MOB3B: variants seen among roughly 807,000 people sequenced by gnomAD.
The protein encoded by MOB3B is MOB kinase activator-like 2B.
Under a neutral mutation model 18.7 loss-of-function variants are expected in MOB3B, and 7 were observed. The ratio of observed to expected loss-of-function variants is 0.37; its 90% confidence interval spans 0.21 to 0.70. MOB3B has a LOEUF of 0.70. Among genes scored for constraint, MOB3B ranks in the 30% least tolerant of loss-of-function variants. The pLI is 0.52. For synonymous variants in MOB3B, 111 were observed against 99.9 expected (o/e 1.11, Z -0.66); for missense variants, 253 against 281.3 (o/e 0.90, Z 0.72).
chr9:27,393,984 G>A (rs1821765308), intron 2 of MOB3B: 1 of 152,124 alleles, frequency 6.6e-6, no homozygotes, highest in African/African-American at 2.4e-5. Context: ...CCTCTTAAAA[G>A]GTAGATGACC....
At chr9:27,393,516 G>A (rs1054017090) in intron 2 of MOB3B, among the ~76,000 whole-genome samples, 1 of 152,094 alleles carries the variant, frequency 6.6e-6, no homozygotes, top group Non-Finnish European at 1.5e-5. Flanking sequence ...ATTGCTAATT[G>A]TGTTCCCAAG....
intron 1 of MOB3B, among the ~76,000 whole-genome samples, chr9:27,495,998 T>TA (rs1157367804): frequency 1.3e-5 from 2 of 152,228 alleles, no homozygotes; most frequent in Admixed American, 6.5e-5. Flanking sequence ...GCTGGCAGCA[T>TA]ACTGTTATAA....
rs142942352 is a variant in MOB3B at position 27,453,354 on chromosome 9, A to G, written c.418+1779T>C. 8.9e-4 allele frequency among the ~76,000 whole-genome samples: 135 copies of G among 152,274 alleles called. 1 individual carries two copies. The highest frequency in any genetic ancestry group is 3.1e-3 in the African/African-American group (128 of 41,560). On this transcript the variant is annotated intron_variant, in intron 2 of 3. Coordinates refer to ENST00000262244, the MANE Select transcript of MOB3B (RefSeq NM_024761.5). ...CGATCTCTCAAAATACAAGTATGCA[A>G]TGGAGGCTAGATGGGGTAGAGCTGA...
chr9:27,495,500 T>C (rs1819885346), intron 1 of MOB3B, among the ~76,000 whole-genome samples: 1 of 152,152 alleles, frequency 6.6e-6, no homozygotes, highest in Non-Finnish European at 1.5e-5. Flanking sequence ...AGTTTTCCCA[T>C]GCCTGTTCCA....
At chr9:27,405,091 G>GTTTTTTTTTTTTTTT (rs1821946373) in intron 2 of MOB3B, among the ~76,000 whole-genome samples, 1 of 60,944 alleles carries the variant, frequency 1.6e-5, no homozygotes, top group Non-Finnish European at 3.3e-5. Context: ...CAGAACCTTT[G>GTTTTTTTTTTTTTTT]TCTTTTTTTT....
intron 2 of MOB3B, among the ~76,000 whole-genome samples, chr9:27,388,468 T>C (rs1821677946): frequency 6.6e-6 from 1 of 152,152 alleles, no homozygotes; most frequent in Non-Finnish European, 1.5e-5. Context: ...TTTTTTTTTC[T>C]CTTTTATTTC....
chr9:27,430,964 T>G (rs566532577), intron 2 of MOB3B, among the ~76,000 whole-genome samples: 1 of 152,092 alleles, frequency 6.6e-6, no homozygotes, highest in Non-Finnish European at 1.5e-5. Flanking sequence ...AGATCAGATT[T>G]CACCTGAGAC....
In MOB3B at chr9:27,500,967, A is replaced by T. The variant is rs997962788; in HGVS notation, c.-199+28588T>A. ...ATGAACAGACACTTCTCAAAAGAAG[A>T]CATTTATGCGACCAACAAACATATG... On this transcript the variant is annotated intron_variant, in intron 1 of 3. Coordinates refer to ENST00000262244, the MANE Select transcript of MOB3B (RefSeq NM_024761.5). Among the ~76,000 whole-genome samples the T allele has an allele frequency of 4.0e-4, 61 of 152,382 alleles. 1 individual carries two copies. Among genetic ancestry groups the T allele is most frequent in the African/African-American group, 1.5e-3 (61 of 41,600 alleles).
At chr9:27,426,367 A>G (rs1822330463) in intron 2 of MOB3B, among the ~76,000 whole-genome samples, 1 of 152,244 alleles carries the variant, frequency 6.6e-6, no homozygotes, top group Admixed American at 6.5e-5. Flanking sequence ...TGAGCAGAAC[A>G]GGAAGGTATA....
At chr9:27,475,257 G>A (rs905073603) in intron 1 of MOB3B, among the ~76,000 whole-genome samples, 11 of 152,224 alleles carry the variant, frequency 7.2e-5, no homozygotes, top group South Asian at 2.1e-4. Flanking sequence ...GCTCCGAGGC[G>A]GCTCCTTCCC....
At chr9:27,390,655 T>C (rs1041825985) in intron 2 of MOB3B, among the ~76,000 whole-genome samples, 1 of 152,144 alleles carries the variant, frequency 6.6e-6, no homozygotes, top group Non-Finnish European at 1.5e-5. Context: ...TGAGAATATA[T>C]GTATTGGAGT....
Position 27,331,045 on chromosome 9 carries a change from C to T in MOB3B, c.622-429G>A, listed in dbSNP as rs190552353. On this transcript the variant is annotated intron_variant, in intron 3 of 3. Transcript: ENST00000262244. The stretch of plus-strand genomic sequence containing the variant: ...TAATTGGATTTGGACTGCTAGTTTT[C>T]TTCGAGTAGGGAAAGATTTAAGTTT... Among the ~76,000 whole-genome samples the T allele has an allele frequency of 3.5e-4, 53 of 152,192 alleles. 1 individual carries two copies. The highest frequency in any genetic ancestry group is 6.8e-3 in the Middle Eastern group (2 of 294).
At chr9:27,336,786 G>A (rs1023224563) in intron 3 of MOB3B, among the ~76,000 whole-genome samples, 6 of 152,052 alleles carry the variant, frequency 3.9e-5, no homozygotes, top group Non-Finnish European at 7.4e-5. Context: ...ATACTCATGC[G>A]TACACACCCC....
At chr9:27,433,904 T>A (rs1822453649) in intron 2 of MOB3B, among the ~76,000 whole-genome samples, 1 of 152,106 alleles carries the variant, frequency 6.6e-6, no homozygotes, top group African/African-American at 2.4e-5. Flanking sequence ...CTCTTTTGGT[T>A]TAAGAAAAGA....
At chr9:27,380,459 G>C (rs941909984) in intron 2 of MOB3B, among the ~76,000 whole-genome samples, 1 of 151,848 alleles carries the variant, frequency 6.6e-6, no homozygotes, top group South Asian at 2.1e-4. Flanking sequence ...GGATGGTCTC[G>C]ATCTCTTGAC....
intron 2 of MOB3B, among the ~76,000 whole-genome samples, chr9:27,423,503 C>T (rs1303807351): frequency 6.6e-6 from 1 of 151,354 alleles, no homozygotes; most frequent in African/African-American, 2.4e-5. Context: ...CTTACTTATA[C>T]CCTGATCCTT....
At chr9:27,423,527 A>C (rs1439022462) in intron 2 of MOB3B, among the ~76,000 whole-genome samples, 9 of 151,924 alleles carry the variant, frequency 5.9e-5, no homozygotes, top group Admixed American at 5.9e-4. Context: ...GAAGGTATGG[A>C]GCATTTAGTG....
chr9:27,372,246 G>A (rs1221348823), intron 2 of MOB3B, among the ~76,000 whole-genome samples: 3 of 152,136 alleles, frequency 2.0e-5, no homozygotes, highest in Admixed American at 1.3e-4. Context: ...AAAGAGCTCC[G>A]GAATGGCCCA....
chr9:27,446,656 T>A lies in MOB3B; in HGVS notation c.418+8477A>T, dbSNP rs181875139. On this transcript the variant is annotated intron_variant, in intron 2 of 3. Coordinates refer to ENST00000262244, the MANE Select transcript of MOB3B (RefSeq NM_024761.5). ...TTGTATCACACTGAGGCTGTGATAC[T>A]GAGGGAACTAACGTTTAAAGCTTAC... is the stretch of plus-strand genomic sequence containing the variant. Among the ~76,000 whole-genome samples the A allele has an allele frequency of 5.3e-5, 8 of 152,344 alleles. No individual in the cohort carries two copies. The East Asian group carries it at 1.4e-3, about 26-fold the overall frequency.
Sources: allele counts gnomAD v4.1 joint callset (sites outside exome capture counted in the v4.1 genomes callset), GRCh38; gene constraint gnomAD v4.1.1; transcripts MANE v1.5; gene names NCBI Gene and HGNC (gene_info 2026-07-23, HGNC 2026-07-21).